The following CTNNA2 variants were observed in gnomAD, a reference collection of about 807,000 sequenced individuals.
The protein encoded by CTNNA2 is catenin alpha-2.
In CTNNA2, 42 loss-of-function variants were observed where a neutral mutation model predicts 101.0. The observed-to-expected ratio is 0.42, with a 90% CI of 0.32 to 0.54. The LOEUF (loss-of-function observed/expected upper bound fraction) is 0.54. Ranked by LOEUF, CTNNA2 falls within the 20% of genes least tolerant of loss-of-function variation. The probability of loss-of-function intolerance (pLI) is 0.14; values close to 1 mark genes in which losing one functional copy is unlikely to be tolerated. For missense variants in CTNNA2, 871 were observed against 1,223.1 expected, an observed-to-expected ratio of 0.71 and a Z score of 4.29; for synonymous variants, 450 against 456.4, an observed-to-expected ratio of 0.99 and a Z score of 0.18.
chr2:79,242,518 G>C (rs1674639906), intron 2 of CTNNA2, among the ~76,000 whole-genome samples: 1 of 151,992 alleles, frequency 6.6e-6, no homozygotes. Context: ...CCAATATTCT[G>C]ACACTTCTCT....
intron 7 of CTNNA2, among the ~76,000 whole-genome samples, chr2:80,262,614 T>A (rs979247081): frequency 8.6e-6 from 1 of 116,768 alleles, no homozygotes; most frequent in African/African-American, 3.3e-5. Flanking sequence ...CTCTCTCCCC[T>A]TTTCTCCTTG....
intron 2 of CTNNA2, among the ~76,000 whole-genome samples, chr2:79,235,014 A>G (rs570797960): frequency 6.6e-6 from 1 of 152,236 alleles, no homozygotes; most frequent in South Asian, 2.1e-4. Flanking sequence ...TCTAAATTCT[A>G]TGTCCATCAC....
intron 7 of CTNNA2, among the ~76,000 whole-genome samples, chr2:80,017,500 G>A (rs1167536027): frequency 6.6e-6 from 1 of 151,544 alleles, no homozygotes; most frequent in Admixed American, 6.6e-5. Flanking sequence ...GTATATATGT[G>A]TATATATATG....
intron 2 of CTNNA2, among the ~76,000 whole-genome samples, chr2:79,241,872 T>A (rs925371289): frequency 6.7e-6 from 1 of 150,056 alleles, no homozygotes; most frequent in Admixed American, 6.7e-5. Context: ...CAGCATCGAA[T>A]CACATTTGGG....
At chr2:79,524,789 A>G (rs1024066753) in intron 1 of CTNNA2, 3 of 151,936 alleles carry the variant, frequency 2.0e-5, no homozygotes, top group Admixed American at 1.3e-4. Flanking sequence ...ATTTATACCA[A>G]TATCAGTATA....
intron 3 of CTNNA2, among the ~76,000 whole-genome samples, chr2:79,754,041 G>T (rs544651276): frequency 2.0e-5 from 3 of 151,742 alleles, no homozygotes; most frequent in Non-Finnish European, 4.4e-5. Context: ...GCTAATTTTT[G>T]TATTTCTAGT....
At chr2:80,144,265 C>T (rs925229008) in intron 7 of CTNNA2, among the ~76,000 whole-genome samples, 2 of 152,146 alleles carry the variant, frequency 1.3e-5, no homozygotes, top group Non-Finnish European at 2.9e-5. Context: ...CAGCATGCAA[C>T]TGTAAGAGGC....
At chr2:80,176,807 C>T (rs1705424333) in intron 7 of CTNNA2, among the ~76,000 whole-genome samples, 2 of 152,218 alleles carry the variant, frequency 1.3e-5, no homozygotes, top group African/African-American at 4.8e-5. Context: ...TTCCTTTCTT[C>T]CTTTGTTGCC....
chr2:79,811,176 C>T lies in CTNNA2; in HGVS notation c.299-46837C>T, dbSNP rs1677003310. Among the ~76,000 whole-genome samples the T allele has an allele frequency of 2.0e-5, 3 of 152,154 alleles. No individual in the cohort carries two copies. In the South Asian group the frequency reaches 6.2e-4, roughly 32 times the overall value. On this transcript the variant is annotated intron_variant, in intron 3 of 18. Coordinates refer to ENST00000402739, the MANE Select transcript of CTNNA2 (RefSeq NM_001282597.3). The stretch of plus-strand genomic sequence containing the variant: ...AAAAGTGTTCCTATTTCTGCACAAC[C>T]TCTCCAGCACCTGTTGTTTCCTGAC...
At chr2:80,500,939 T>C (rs1687834613) in intron 9 of CTNNA2, among the ~76,000 whole-genome samples, 1 of 152,232 alleles carries the variant, frequency 6.6e-6, no homozygotes, top group African/African-American at 2.4e-5. Flanking sequence ...TTCTTATTGA[T>C]TGATTGATTT....
At chr2:79,587,896 A>C (rs561212610) in intron 1 of CTNNA2, among the ~76,000 whole-genome samples, 32 of 152,310 alleles carry the variant, frequency 2.1e-4, no homozygotes, top group Admixed American at 5.9e-4. Flanking sequence ...ATATGCTCAC[A>C]ATCTGGCCCA....
intron 7 of CTNNA2, among the ~76,000 whole-genome samples, chr2:80,047,174 C>G (rs930899645): frequency 3.9e-5 from 6 of 152,170 alleles, no homozygotes; most frequent in African/African-American, 1.2e-4. Flanking sequence ...TTCCTTTAGG[C>G]AATTTAATTC....
intron 7 of CTNNA2, among the ~76,000 whole-genome samples, chr2:80,121,433 TA>T (rs1701824742): frequency 6.6e-6 from 1 of 152,228 alleles, no homozygotes. Context: ...TGGTATCATG[TA>T]AATCTAAGAG....
chr2:79,305,610 T>C (rs1450864846), intron 2 of CTNNA2, among the ~76,000 whole-genome samples: 5 of 152,136 alleles, frequency 3.3e-5, no homozygotes, highest in African/African-American at 1.2e-4. Flanking sequence ...TAAAGAATTC[T>C]GACTATTCCA....
intron 1 of CTNNA2, among the ~76,000 whole-genome samples, chr2:79,576,796 T>C (rs1675827917): frequency 6.6e-6 from 1 of 152,142 alleles, no homozygotes; most frequent in Non-Finnish European, 1.5e-5. Flanking sequence ...TTAAAATAAA[T>C]TATCGTTTTT....
intron 3 of CTNNA2, among the ~76,000 whole-genome samples, chr2:79,328,130 C>A (rs1304266947): frequency 6.6e-6 from 1 of 152,100 alleles, no homozygotes; most frequent in African/African-American, 2.4e-5. Context: ...TAAATTAGAT[C>A]CAGAGTAGGC....
intron 3 of CTNNA2, among the ~76,000 whole-genome samples, chr2:79,323,412 G>GAAGCTGGT: frequency 6.6e-6 from 1 of 152,258 alleles, no homozygotes; most frequent in African/African-American, 2.4e-5. Context: ...ACAAGGTTAT[G>GAAGCTGGT]AAGCTGGTAA....
At chr2:79,642,272 T>C (rs1680498545) in intron 1 of CTNNA2, among the ~76,000 whole-genome samples, 1 of 152,212 alleles carries the variant, frequency 6.6e-6, no homozygotes, top group Non-Finnish European at 1.5e-5. Context: ...TTGCAAATAT[T>C]GTAATATTTG....
In CTNNA2 at chr2:79,297,766, C is replaced by A. The variant is rs565305452; in HGVS notation, c.-405-14943C>A. 2.1e-4 allele frequency among the ~76,000 whole-genome samples: 32 copies of A among 152,216 alleles called. No individual in the cohort carries two copies. In the South Asian group the frequency reaches 6.6e-3, roughly 32 times the overall value. On this transcript the variant is annotated intron_variant, in intron 2 of 21. Coordinates refer to the CTNNA2 transcript ENST00000466387. ...TCCTTCTATCTATTTATCTATCTAT[C>A]TAATCTTTTGTCAAACTGCTTTAAC...
Sources: allele counts gnomAD v4.1 joint callset (sites outside exome capture counted in the v4.1 genomes callset), GRCh38; gene constraint gnomAD v4.1.1; transcripts MANE v1.5; gene names NCBI Gene and HGNC (gene_info 2026-07-23, HGNC 2026-07-21).